The following DPP6 variants were observed in gnomAD, a reference collection of about 807,000 sequenced individuals.
DPP6 encodes A-type potassium channel modulatory protein DPP6.
A neutral mutation model predicts 122.6 loss-of-function variants in DPP6; 69 were observed. The ratio of observed to expected loss-of-function variants is 0.56; its 90% CI spans 0.46 to 0.69. The LOEUF is 0.69. Ranked by LOEUF, DPP6 falls within the 30% of genes least tolerant of loss-of-function variation. The pLI is 0.00. For missense variants in DPP6, 928 were observed against 1,116.9 expected (o/e 0.83, Z 2.41); for synonymous variants, 418 against 433.1 (o/e 0.97, Z 0.43).
chr7:154,888,789 A>C (rs1806370235), intron 23 of DPP6, among the ~76,000 whole-genome samples: 1 of 152,198 alleles, frequency 6.6e-6, no homozygotes, highest in South Asian at 2.1e-4. Flanking sequence ...TTACAAAGGA[A>C]ATAGGTTTAG....
chr7:154,062,744 T>C lies in DPP6; in HGVS notation c.243+9681T>C, dbSNP rs570490930. On this transcript the variant is annotated intron_variant, in intron 1 of 25. Transcript: ENST00000377770. Reference sequence around the variant, plus strand: ...CCATCGTAGGGGGGGGGAGGCACCCTCCGCGAGGCAGGGACTGAGAGCCAA... The same window carrying C: ...CCATCGTAGGGGGGGGGAGGCACCCCCCGCGAGGCAGGGACTGAGAGCCAA... Among the ~76,000 whole-genome samples the C allele has an allele frequency of 6.3e-4, 28 of 44,144 alleles. 6 individuals are homozygous for C. Among genetic ancestry groups the C allele is most frequent in the South Asian group, 2.3e-3 (2 of 874 alleles). The allele number at this position is 44,144 out of a possible 152,430, so 29.0% of individuals were successfully genotyped here.
chr7:154,804,984 C>A lies in DPP6; in HGVS notation c.1547+20C>A, dbSNP rs765483932. 1 of 1,588,718 alleles carries A rather than the reference C, an allele frequency of 6.3e-7. No homozygotes were observed. The highest frequency in any genetic ancestry group is 8.6e-7 in the Non-Finnish European group (1 of 1,166,460). On this transcript the variant is annotated intron_variant, in intron 15 of 25. Coordinates refer to ENST00000377770, the MANE Select transcript of DPP6 (RefSeq NM_130797.4). ...CTACAGGTAACTCCTGCTCCCCCTG[C>A]ACACAGGGCTCTCCCCCTTAGGAGG...
chr7:154,304,893 G>A (rs1806154179), intron 1 of DPP6, among the ~76,000 whole-genome samples: 1 of 152,184 alleles, frequency 6.6e-6, no homozygotes, highest in Admixed American at 6.5e-5. Context: ...GCTGTCTGGC[G>A]CGCCCTGCGT....
At chr7:154,161,039 A>T (rs1056539501) in intron 1 of DPP6, among the ~76,000 whole-genome samples, 39 of 152,202 alleles carry the variant, frequency 2.6e-4, no homozygotes, top group African/African-American at 8.9e-4. Context: ...GGAGGCTCCC[A>T]CAAGTGCAGC....
the DPP6 span, among the ~76,000 whole-genome samples, chr7:153,851,491 T>C: frequency 6.6e-6 from 1 of 152,194 alleles, no homozygotes; most frequent in Non-Finnish European, 1.5e-5. Flanking sequence ...ACCTACTCCA[T>C]ATGCCAATCT....
At chr7:153,943,194 TGAA>T (rs1247513738) in intron 1 of DPP6, among the ~76,000 whole-genome samples, 1 of 152,210 alleles carries the variant, frequency 6.6e-6, no homozygotes, top group Admixed American at 6.5e-5. Flanking sequence ...TACAAAAGTC[TGAA>T]GATCCAAAGG....
chr7:153,778,146 A>G, the DPP6 span, among the ~76,000 whole-genome samples: 14 of 149,594 alleles, frequency 9.4e-5, no homozygotes, highest in African/African-American at 3.6e-4. Flanking sequence ...CTTTATATGT[A>G]TATATTTAGG....
chr7:153,845,128 T>A, the DPP6 span, among the ~76,000 whole-genome samples: 2 of 152,334 alleles, frequency 1.3e-5, no homozygotes, highest in East Asian at 3.9e-4. Flanking sequence ...GTATTGTGAA[T>A]GATTTTATTT....
intron 7 of DPP6, among the ~76,000 whole-genome samples, chr7:154,696,976 T>C (rs1211699291): frequency 1.5e-5 from 2 of 136,548 alleles, no homozygotes; most frequent in African/African-American, 5.5e-5. Flanking sequence ...GAGAGTACGA[T>C]TCTACAAAGA....
At chr7:154,119,513 A>G (rs1339899039) in intron 1 of DPP6, among the ~76,000 whole-genome samples, 2 of 151,704 alleles carry the variant, frequency 1.3e-5, no homozygotes, top group Non-Finnish European at 2.9e-5. Context: ...CTTGGGTCCC[A>G]GTTTACCTGG....
intron 1 of DPP6, among the ~76,000 whole-genome samples, chr7:154,374,176 G>A (rs890356497): frequency 2.0e-5 from 3 of 152,138 alleles, no homozygotes; most frequent in Admixed American, 1.3e-4. Context: ...GACTCCAGTT[G>A]GAATCCTAGC....
intron 17 of DPP6, among the ~76,000 whole-genome samples, chr7:154,855,842 A>G (rs1430612705): frequency 6.6e-6 from 1 of 152,148 alleles, no homozygotes; most frequent in East Asian, 1.9e-4. Context: ...CCTTAAGCAA[A>G]TGTATATTTT....
intron 1 of DPP6, among the ~76,000 whole-genome samples, chr7:154,200,129 G>A (rs906744707): frequency 2.6e-5 from 4 of 152,106 alleles, no homozygotes; most frequent in Non-Finnish European, 5.9e-5. Context: ...ACATACCATA[G>A]ATTCTTATTT....
chr7:154,725,872 G>A (rs915217699), intron 7 of DPP6, among the ~76,000 whole-genome samples: 1 of 152,160 alleles, frequency 6.6e-6, no homozygotes. Flanking sequence ...GGGGACACAG[G>A]CATTGGGTAA....
At chr7:154,509,081 C>T (rs1825867781) in intron 3 of DPP6, among the ~76,000 whole-genome samples, 1 of 152,100 alleles carries the variant, frequency 6.6e-6, no homozygotes, top group East Asian at 1.9e-4. Flanking sequence ...TGGCAAGATT[C>T]TTAGATATAG....
intron 1 of DPP6, among the ~76,000 whole-genome samples, chr7:153,996,614 C>G (rs1469863729): frequency 3.3e-5 from 5 of 151,504 alleles, no homozygotes; most frequent in Non-Finnish European, 7.4e-5. Context: ...AAAGTACACA[C>G]CAGAATGTAG....
At chr7:154,603,297 C>T (rs1304915540) in intron 5 of DPP6, among the ~76,000 whole-genome samples, 1 of 119,812 alleles carries the variant, frequency 8.3e-6, no homozygotes, top group African/African-American at 2.7e-5. Flanking sequence ...ATGATTTCTT[C>T]ATGTGTTTCT....
At chr7:154,437,644 G>A (rs909375189) in intron 1 of DPP6, among the ~76,000 whole-genome samples, 5 of 152,136 alleles carry the variant, frequency 3.3e-5, no homozygotes, top group Non-Finnish European at 7.3e-5. Flanking sequence ...TTTTAAAATT[G>A]TAAACCAAAG....
intron 10 of DPP6, among the ~76,000 whole-genome samples, chr7:154,774,766 T>G (rs1796461990): frequency 6.6e-6 from 1 of 152,224 alleles, no homozygotes; most frequent in Admixed American, 6.5e-5. Context: ...GCCATTTGCC[T>G]GAGCACTGGG....
Sources: allele counts gnomAD v4.1 joint callset (sites outside exome capture counted in the v4.1 genomes callset), GRCh38; gene constraint gnomAD v4.1.1; transcripts MANE v1.5; gene names NCBI Gene and HGNC (gene_info 2026-07-23, HGNC 2026-07-21).